Variants in RSBN1L observed in about 807,000 individuals in gnomAD.
The protein encoded by RSBN1L is lysine-specific demethylase RSBN1L.
In RSBN1L, 30 loss-of-function variants were observed where a neutral mutation model predicts 67.7. That is an observed-to-expected ratio of 0.44 (90% CI 0.33 to 0.60). The LOEUF (loss-of-function observed/expected upper bound fraction) is 0.60, where lower values mean the gene tolerates loss of function less well. Among genes scored for constraint, RSBN1L ranks in the 20% least tolerant of loss-of-function variants. The pLI is 0.02. For missense variants in RSBN1L, 992 were observed against 1,031.7 expected, an observed-to-expected ratio of 0.96 and a Z score of 0.53; for synonymous variants, 433 against 387.0, an observed-to-expected ratio of 1.12 and a Z score of -1.39.
At chr7:77,759,364 A>C (rs182344459) in intron 3 of RSBN1L, among the ~76,000 whole-genome samples, 1 of 152,186 alleles carries the variant, frequency 6.6e-6, no homozygotes, top group Non-Finnish European at 1.5e-5. Context: ...TTTAAAATGG[A>C]TAATACTTTC....
chr7:77,738,728 A>C (rs562381179), intron 2 of RSBN1L, among the ~76,000 whole-genome samples: 2 of 152,222 alleles, frequency 1.3e-5, no homozygotes, highest in South Asian at 2.1e-4. Context: ...CAGGTGGATC[A>C]CCTGAGGTCA....
chr7:77,726,941 C>T (rs1791211719), intron 1 of RSBN1L, among the ~76,000 whole-genome samples: 1 of 151,654 alleles, frequency 6.6e-6, no homozygotes, highest in Admixed American at 6.6e-5. Flanking sequence ...GTCACTGTGC[C>T]CGGCCTAATT....
chr7:77,697,214 A>C, intron 1 of RSBN1L, 159 bp downstream of exon 1: 2 of 727,062 alleles, frequency 2.8e-6, no homozygotes, highest in Non-Finnish European at 3.8e-6. Flanking sequence ...GCAGTTCCCA[A>C]GGGGACAGGA....
chr7:77,747,625 C>T (rs1256667442), intron 2 of RSBN1L, among the ~76,000 whole-genome samples: 1 of 152,186 alleles, frequency 6.6e-6, no homozygotes, highest in Non-Finnish European at 1.5e-5. Context: ...GAGCTTCCAC[C>T]TAGTTTTCAG....
At chr7:77,700,528 A>G (rs1001231000) in intron 1 of RSBN1L, among the ~76,000 whole-genome samples, 6 of 152,226 alleles carry the variant, frequency 3.9e-5, no homozygotes, top group Admixed American at 6.5e-5. Context: ...AATTTGAGGT[A>G]TATAAATGTG....
intron 2 of RSBN1L, among the ~76,000 whole-genome samples, chr7:77,745,116 C>T (rs10277379): frequency 0.42 from 63,955 of 151,886 alleles, 13,861 homozygotes; most frequent in African/African-American, 0.5. Flanking sequence ...ACAAAATTAG[C>T]TGGTCATGTT....
intron 2 of RSBN1L, among the ~76,000 whole-genome samples, chr7:77,737,991 C>T (rs1245956290): frequency 6.6e-6 from 1 of 151,392 alleles, no homozygotes; most frequent in Non-Finnish European, 1.5e-5. Flanking sequence ...CCACTGTACT[C>T]CAGCCTGGGC....
At chr7:77,728,706 A>G (rs1044062172) in intron 1 of RSBN1L, among the ~76,000 whole-genome samples, 1 of 152,242 alleles carries the variant, frequency 6.6e-6, no homozygotes. Flanking sequence ...GGAGAACACA[A>G]GATGGTGAAG....
chr7:77,735,133 A>G (rs1051007991), intron 1 of RSBN1L, among the ~76,000 whole-genome samples: 1 of 152,020 alleles, frequency 6.6e-6, no homozygotes, highest in Admixed American at 6.6e-5. Flanking sequence ...TTAATGATTG[A>G]AGTTTAAAAA....
intron 4 of RSBN1L, among the ~76,000 whole-genome samples, chr7:77,767,618 G>C (rs1426027629): frequency 6.6e-6 from 1 of 151,676 alleles, no homozygotes; most frequent in Non-Finnish European, 1.5e-5. Context: ...CAGGTGATCT[G>C]CCTGCCTCAG....
chr7:77,773,467 T>A, intron 6 of RSBN1L, 153 bp downstream of exon 6: 1 of 509,518 alleles, frequency 2.0e-6, no homozygotes. Flanking sequence ...CTAAAGATTT[T>A]AAATTGCTAG....
In RSBN1L at chr7:77,773,301, C is replaced by A; in HGVS notation, c.1780C>A (p.His594Asn). 6.3e-7 allele frequency: 1 copy of A among 1,579,108 alleles called. No homozygotes were observed. Among genetic ancestry groups the A allele is most frequent in the Non-Finnish European group, 8.6e-7 (1 of 1,164,810 alleles). ...TAAVGVLKAV[H>N]CGEWPDQPRI... Reference sequence around the variant, plus strand: ...TGCTGTTGGAGTGCTGAAGGCTGTGCACTGTGGAGAGTGGTATATATAACT... The same window carrying A: ...TGCTGTTGGAGTGCTGAAGGCTGTGAACTGTGGAGAGTGGTATATATAACT... Residue 594 changes from histidine (H) to asparagine (N), a missense_variant, in exon 6 of 8, where the codon CAC (histidine) becomes AAC (asparagine). Coordinates refer to ENST00000334955, the MANE Select transcript of RSBN1L (RefSeq NM_198467.3).
chr7:77,769,875 G>C (rs1408241480), intron 5 of RSBN1L, among the ~76,000 whole-genome samples: 1 of 152,182 alleles, frequency 6.6e-6, no homozygotes, highest in African/African-American at 2.4e-5. Flanking sequence ...TGGAGGATGA[G>C]CTGCTGTAAT....
chr7:77,741,178 G>A (rs1173174334), intron 2 of RSBN1L, among the ~76,000 whole-genome samples: 9 of 151,044 alleles, frequency 6.0e-5, no homozygotes, highest in Admixed American at 5.9e-4. Context: ...GTAGAGATGG[G>A]GTTTTACCAT....
At chr7:77,735,641 G>C (rs536921548) in intron 1 of RSBN1L, among the ~76,000 whole-genome samples, 3 of 152,072 alleles carry the variant, frequency 2.0e-5, no homozygotes, top group Non-Finnish European at 4.4e-5. Context: ...TTCCATCATG[G>C]TTTTGTAATC....
chr7:77,706,015 C>G (rs906152126), intron 1 of RSBN1L, among the ~76,000 whole-genome samples: 2 of 151,954 alleles, frequency 1.3e-5, no homozygotes, highest in African/African-American at 4.8e-5. Flanking sequence ...ATTCCTGCCT[C>G]AGCCTCCCAA....
chr7:77,747,324 A>G (rs765328259), intron 2 of RSBN1L, among the ~76,000 whole-genome samples: 20 of 152,302 alleles, frequency 1.3e-4, no homozygotes, highest in African/African-American at 4.6e-4. Context: ...AGACTAGACA[A>G]TGGGGGAAAG....
chr7:77,763,149 C>CTTTTTTTTTTT (rs11440608), intron 3 of RSBN1L, among the ~76,000 whole-genome samples: 2 of 126,942 alleles, frequency 1.6e-5, no homozygotes, highest in Non-Finnish European at 3.3e-5. Flanking sequence ...TATAATTTGA[C>CTTTTTTTTTTT]TTTTTTTTTT....
intron 2 of RSBN1L, 125 bp from the exon 3 acceptor site, chr7:77,749,299 G>T (rs1489975906): frequency 1.4e-6 from 1 of 707,990 alleles, no homozygotes; most frequent in African/African-American, 1.8e-5. Flanking sequence ...TAAAAAATGA[G>T]TCCTAAATAT....
Sources: gnomAD v4.1 joint callset for allele counts (sites outside exome capture counted in the v4.1 genomes callset) on GRCh38, gnomAD v4.1.1 for gene constraint, MANE v1.5 for transcripts, NCBI Gene and HGNC (gene_info 2026-07-23, HGNC 2026-07-21) for gene names.